The following ARF3 variants were observed in gnomAD, a reference collection of about 807,000 sequenced individuals.
ARF3 encodes ADP-ribosylation factor 3.
A neutral mutation model predicts 19.3 loss-of-function variants in ARF3; 5 were observed. That is an observed-to-expected ratio of 0.26 (90% CI 0.14 to 0.54). ARF3 has a LOEUF of 0.54. Among genes scored for constraint, ARF3 ranks in the 20% least tolerant of loss-of-function variants. The pLI is 0.95. For synonymous variants in ARF3, 71 were observed against 89.2 expected (o/e 0.80, Z 1.15); for missense variants, 77 against 234.2 (o/e 0.33, Z 4.38).
chr12:48,948,409 G>A (rs1005027406), intron 1 of ARF3, among the ~76,000 whole-genome samples: 8 of 151,784 alleles, frequency 5.3e-5, no homozygotes, highest in African/African-American at 1.2e-4. Context: ...TCATCGTGAC[G>A]CAGCTAACTT....
chr12:48,936,608 ACCT>A lies in ARF3; in HGVS notation c.*2336_*2338del, dbSNP rs1940147051. 6.6e-6 allele frequency: 1 copy of A among 152,524 alleles called. No homozygotes were observed. Among genetic ancestry groups the A allele is most frequent in the South Asian group, 2.1e-4 (1 of 4,818 alleles). 9.4% of individuals were successfully genotyped at this position (152,524 alleles called of 1,614,324 possible). A position where few individuals can be genotyped will look rare whatever the true frequency, so the allele number is the denominator to read the frequency against. ...ACAGATCTGGGGCAGCACCAAGGCA[ACCT>A]CCTAACATTTCCAGCCCCAGATTGG... On this transcript the variant is annotated 3_prime_UTR_variant, in exon 5 of 5. Transcript: ENST00000256682.
At chr12:48,942,094 A>C (rs1219664287) in intron 1 of ARF3, among the ~76,000 whole-genome samples, 1 of 152,140 alleles carries the variant, frequency 6.6e-6, no homozygotes. Context: ...TCGTGGCTTC[A>C]TAGCTCCTTT....
At position 48,938,066 on chromosome 12, in the gene ARF3, T is replaced by C. The variant is rs2137573223; in HGVS notation, c.*881A>G. 5.1e-6 allele frequency: 1 copy of C among 197,916 alleles called. No homozygotes were observed. The highest frequency in any genetic ancestry group is 1.1e-5 in the Non-Finnish European group (1 of 94,160). The allele number at this position is 197,916 out of a possible 1,614,324, so 12.3% of individuals were successfully genotyped here. ...CAGATCTGAAGATGGTGGGGAAGGATCAGTTGAACACTCTAAGCTGATAAG... is the reference window on the plus strand; with the variant it reads ...CAGATCTGAAGATGGTGGGGAAGGACCAGTTGAACACTCTAAGCTGATAAG... On this transcript the variant is annotated 3_prime_UTR_variant, in exon 5 of 5. Coordinates refer to ENST00000256682, the MANE Select transcript of ARF3 (RefSeq NM_001659.3).
chr12:48,954,084 G>T (rs1940516804), intron 1 of ARF3, among the ~76,000 whole-genome samples: 1 of 147,832 alleles, frequency 6.8e-6, no homozygotes, highest in Non-Finnish European at 1.5e-5. Context: ...TCATCAGGGT[G>T]CTCTTTTCTG....
rs1056057394 is a variant in ARF3 at position 48,937,197 on chromosome 12, T to C, written c.*1750A>G. 2 of 152,248 alleles carry C rather than the reference T, an allele frequency of 1.3e-5. No individual in the cohort carries two copies. Among genetic ancestry groups the C allele is most frequent in the Non-Finnish European group, 2.9e-5 (2 of 68,052 alleles). 9.4% of individuals were successfully genotyped at this position (152,248 alleles called of 1,614,324 possible). On this transcript the variant is annotated 3_prime_UTR_variant, in exon 5 of 5. Coordinates refer to ENST00000256682, the MANE Select transcript of ARF3 (RefSeq NM_001659.3). ...GGATGGGGTTACTAATATTGATCCA[T>C]CTGCTATCAACAAAAGTGGCCAGGA... is the stretch of plus-strand genomic sequence containing the variant.
chr12:48,939,704 G>A lies in ARF3; in HGVS notation c.335C>T (p.Ala112Val), dbSNP rs542966313. 5.0e-6 allele frequency: 8 copies of A among 1,614,066 alleles called. No individual in the cohort carries two copies. The highest frequency in any genetic ancestry group is 2.2e-5 in the East Asian group (1 of 44,884). The change falls in exon 4 of 5, where the codon GCG (alanine) becomes GTG (valine). Residue 112 changes from alanine (A) to valine (V), a missense_variant. Coordinates refer to ENST00000256682, the MANE Select transcript of ARF3 (RefSeq NM_001659.3). This position sits in a 1 kb window ranked among gnomAD's most constrained non-coding sequence, Gnocchi z 4.8. ...TACAGCATCCCGGAGCTCGTCCTCC[G>A]CCAGCATTCTCATCAGCTCTTCCCG... is the stretch of plus-strand genomic sequence containing the variant. ...EAREELMRMLAEDELRDAVLL... is the reference protein window; with the variant it reads ...EAREELMRMLVEDELRDAVLL...
At position 48,939,670 on chromosome 12, in the gene ARF3, G is replaced by A. The variant is rs1940215914; in HGVS notation, c.369C>T (p.Val123=). 6.2e-7 allele frequency: 1 copy of A among 1,614,058 alleles called. No individual in the cohort carries two copies. Among genetic ancestry groups the A allele is most frequent in the Non-Finnish European group, 8.5e-7 (1 of 1,180,022 alleles). ...EDELRDAVLL[V]FANKQDLPNA... ...GAAGTCTCACCTGTTTGTTTGCAAA[G>A]ACAAGGAGTACAGCATCCCGGAGCT... The change falls in exon 4 of 5, where the codon GTC becomes GTT. Residue 123 remains valine, a synonymous_variant. Coordinates refer to ENST00000256682, the MANE Select transcript of ARF3 (RefSeq NM_001659.3). The surrounding 1 kb of genome is among the most constrained non-coding windows in gnomAD (Gnocchi z 4.8).
In ARF3 at chr12:48,938,292, A is replaced by G. The variant is rs1940184696; in HGVS notation, c.*655T>C. ...CCTGCAGAGAGGAGGGTAACCAGTC[A>G]AAGACTGGGGCAGTCCGGCTTGACT... On this transcript the variant is annotated 3_prime_UTR_variant, in exon 5 of 5. Transcript: ENST00000256682. The G allele has an allele frequency of 4.6e-6, 2 of 432,266 alleles. No homozygotes were observed. The allele number at this position is 432,266 out of a possible 1,614,324, so 26.8% of individuals were successfully genotyped here. A position where few individuals can be genotyped will look rare whatever the true frequency, so the allele number is the denominator to read the frequency against.
chr12:48,952,255 G>T (rs1469593396), intron 1 of ARF3, among the ~76,000 whole-genome samples: 1 of 152,164 alleles, frequency 6.6e-6, no homozygotes, highest in African/African-American at 2.4e-5. Flanking sequence ...CCTGTCTGAT[G>T]GAGACCCAAA....
At chr12:48,950,001 A>G (rs1288331348) in intron 1 of ARF3, among the ~76,000 whole-genome samples, 1 of 152,182 alleles carries the variant, frequency 6.6e-6, no homozygotes, top group Admixed American at 6.5e-5. Context: ...AAATGGGAAA[A>G]ACTCAGTTGG....
chr12:48,945,471 G>A (rs1451748833), intron 1 of ARF3, among the ~76,000 whole-genome samples: 2 of 151,996 alleles, frequency 1.3e-5, no homozygotes, highest in Non-Finnish European at 2.9e-5. Flanking sequence ...TGAGGCAGGA[G>A]AATTGCTGGA....
At chr12:48,940,492 T>C (rs756756494) in intron 2 of ARF3, among the ~76,000 whole-genome samples, 2 of 152,116 alleles carry the variant, frequency 1.3e-5, no homozygotes, top group African/African-American at 2.4e-5. Flanking sequence ...GAAAGGGAAG[T>C]AAGCTGGCAT....
chr12:48,953,530 T>G (rs1940505304), intron 1 of ARF3, among the ~76,000 whole-genome samples: 2 of 152,112 alleles, frequency 1.3e-5, no homozygotes, highest in Non-Finnish European at 2.9e-5. Flanking sequence ...CATAAGCTAA[T>G]AAAGGAAGGA....
Position 48,937,259 on chromosome 12 carries a change from A to G in ARF3, c.*1688T>C, listed in dbSNP as rs1369809179. On this transcript the variant is annotated 3_prime_UTR_variant, in exon 5 of 5. Coordinates refer to ENST00000256682, the MANE Select transcript of ARF3 (RefSeq NM_001659.3). ...ATGGAGTGGGGCTTGGGACAGCCCTACTGGGAAGGGGTCCCTCAGCCATGC... is the reference window on the plus strand; with the variant it reads ...ATGGAGTGGGGCTTGGGACAGCCCTGCTGGGAAGGGGTCCCTCAGCCATGC... 1 of 152,254 alleles carries G rather than the reference A, an allele frequency of 6.6e-6. No homozygotes were observed. The highest frequency in any genetic ancestry group is 1.5e-5 in the Non-Finnish European group (1 of 68,070). The allele number at this position is 152,254 out of a possible 1,614,324, so 9.4% of individuals were successfully genotyped here. A position where few individuals can be genotyped will look rare whatever the true frequency, so the allele number is the denominator to read the frequency against.
intron 1 of ARF3, among the ~76,000 whole-genome samples, chr12:48,945,573 A>T (rs78661152): frequency 2.0e-5 from 3 of 151,788 alleles, no homozygotes; most frequent in African/African-American, 7.3e-5. Flanking sequence ...AAAAAAAAAA[A>T]TTAGCTGGGC....
chr12:48,953,241 G>A lies in ARF3; in HGVS notation c.-94+4069C>T, dbSNP rs1940499246. ...TTTTCCCTGTATCTGACAAACTGAA[G>A]AAATGGTTTCCATGTCCTCAGAGCC... On this transcript the variant is annotated intron_variant, in intron 1 of 4. Transcript: ENST00000256682. 3 of 152,090 alleles carry A rather than the reference G, an allele frequency of 2.0e-5. No individual in the cohort carries two copies. The South Asian group carries it at 6.2e-4, about 32-fold the overall frequency. The allele number at this position is 152,090 out of a possible 1,614,324, so 9.4% of individuals were successfully genotyped here. A position where few individuals can be genotyped will look rare whatever the true frequency, so the allele number is the denominator to read the frequency against.
intron 1 of ARF3, among the ~76,000 whole-genome samples, chr12:48,948,290 GA>G (rs1424468646): frequency 6.9e-6 from 1 of 145,386 alleles, no homozygotes; most frequent in Non-Finnish European, 1.5e-5. Context: ...TTTTTAAAGA[GA>G]TGAGGTCTCA....
intron 2 of ARF3, among the ~76,000 whole-genome samples, chr12:48,940,443 G>A (rs1443114550): frequency 6.6e-6 from 1 of 152,130 alleles, no homozygotes; most frequent in Non-Finnish European, 1.5e-5. Flanking sequence ...TACCAGAGTC[G>A]GCCTCAGCTA....
rs903654807 is a variant in ARF3, at chr12:48,937,001, C to A, written c.*1946G>T. On this transcript the variant is annotated 3_prime_UTR_variant, in exon 5 of 5. Transcript: ENST00000256682. ...AATAGAACCTCCAACACCCCCCCCA[C>A]AACCACCACACACAAACACACCCAC... The A allele has an allele frequency of 6.6e-6, 1 of 152,072 alleles. No homozygotes were observed. Among genetic ancestry groups the A allele is most frequent in the African/African-American group, 2.4e-5 (1 of 41,274 alleles). 9.4% of individuals were successfully genotyped at this position (152,072 alleles called of 1,614,324 possible).
Sources: allele counts gnomAD v4.1 joint callset (sites outside exome capture counted in the v4.1 genomes callset), GRCh38; gene constraint gnomAD v4.1.1; non-coding constraint Gnocchi (gnomAD v3.1); transcripts MANE v1.5; gene names NCBI Gene and HGNC (gene_info 2026-07-23, HGNC 2026-07-21).